The following ZFHX4 variants were observed in gnomAD, a reference collection of about 807,000 sequenced individuals.
ZFHX4 encodes zinc finger homeobox protein 4.
A neutral mutation model predicts 267.6 loss-of-function variants in ZFHX4; 56 were observed. The observed-to-expected ratio is 0.21, with a 90% confidence interval of 0.17 to 0.26. The LOEUF (loss-of-function observed/expected upper bound fraction) is 0.26. Among genes scored for constraint, ZFHX4 ranks in the 10% least tolerant of loss-of-function variants. The pLI is 1.00. For synonymous variants in ZFHX4, 1,778 were observed against 1,665.6 expected (o/e 1.07, Z -1.64); for missense variants, 4,332 against 4,420.0 (o/e 0.98, Z 0.56).
At chr8:76,782,374 A>G (rs1179172804) in intron 4 of ZFHX4, among the ~76,000 whole-genome samples, 1 of 151,958 alleles carries the variant, frequency 6.6e-6, no homozygotes, top group Middle Eastern at 3.2e-3. Flanking sequence ...TGTTAAGAAT[A>G]AAGTTTAAGA....
At chr8:76,702,933 G>A (rs1214944569) in intron 1 of ZFHX4, among the ~76,000 whole-genome samples, 1 of 151,528 alleles carries the variant, frequency 6.6e-6, no homozygotes, top group Non-Finnish European at 1.5e-5. Flanking sequence ...TAATCAAACT[G>A]CTATTACAGT....
At chr8:76,828,724 C>T (rs1296649794) in intron 4 of ZFHX4, among the ~76,000 whole-genome samples, 1 of 152,058 alleles carries the variant, frequency 6.6e-6, no homozygotes, top group Non-Finnish European at 1.5e-5. Context: ...AAGGTTGACA[C>T]TTGTGAACTC....
intron 3 of ZFHX4, among the ~76,000 whole-genome samples, chr8:76,756,666 G>A (rs1172352128): frequency 6.6e-6 from 1 of 151,766 alleles, no homozygotes; most frequent in Non-Finnish European, 1.5e-5. Context: ...TTGCCCTCTT[G>A]TCAACTACAA....
At chr8:76,763,950 G>C (rs1446087170) in intron 3 of ZFHX4, among the ~76,000 whole-genome samples, 1 of 152,042 alleles carries the variant, frequency 6.6e-6, no homozygotes, top group Admixed American at 6.6e-5. Flanking sequence ...TTTTATTACA[G>C]CAGCTAAACT....
At chr8:76,687,464 C>A (rs1321132026) in intron 1 of ZFHX4, among the ~76,000 whole-genome samples, 1 of 152,168 alleles carries the variant, frequency 6.6e-6, no homozygotes, top group Non-Finnish European at 1.5e-5. Flanking sequence ...ATAGTGTCAA[C>A]CAGTCCAGCT....
At chr8:76,779,754 A>G (rs960192899) in intron 4 of ZFHX4, among the ~76,000 whole-genome samples, 1 of 152,078 alleles carries the variant, frequency 6.6e-6, no homozygotes, top group Non-Finnish European at 1.5e-5. Flanking sequence ...GGGGTCTGGC[A>G]TGACTGGGCT....
In ZFHX4 at chr8:76,833,248, C is replaced by T. The variant is rs1258561300; in HGVS notation, c.3326-90C>T. 15 of 1,018,450 alleles carry T rather than the reference C, an allele frequency of 1.5e-5. 1 individual carries two copies. In the South Asian group the frequency reaches 1.7e-4, roughly 11 times the overall value. The allele number at this position is 1,018,450 out of a possible 1,614,324, so 63.1% of individuals were successfully genotyped here. On this transcript the variant is annotated intron_variant, in intron 4 of 10. Coordinates refer to ENST00000651372, the MANE Select transcript of ZFHX4 (RefSeq NM_024721.5). ...TTCACCTGATACTTATCTCTCCTGA[C>T]TGCCAAATTTTGGGTTCTTGTAATA...
At chr8:76,849,369 G>T in intron 7 of ZFHX4, 143 bp from the exon 8 acceptor site, 1 of 861,306 alleles carries the variant, frequency 1.2e-6, no homozygotes, top group East Asian at 2.7e-5. Flanking sequence ...CTGAGGTGAT[G>T]GATATCCCAT....
At chr8:76,752,503 A>G (rs541139472) in intron 3 of ZFHX4, among the ~76,000 whole-genome samples, 105 of 148,368 alleles carry the variant, frequency 7.1e-4, no homozygotes, top group Middle Eastern at 6.8e-3. Flanking sequence ...AAAAAAAAAA[A>G]AAAAAAGAAA....
intron 1 of ZFHX4, among the ~76,000 whole-genome samples, chr8:76,686,093 T>C (rs1343757714): frequency 6.6e-6 from 1 of 152,184 alleles, no homozygotes; most frequent in Non-Finnish European, 1.5e-5. Flanking sequence ...CATTTGGTGG[T>C]GTTTTATGGT....
At chr8:76,778,837 T>A (rs1810473830) in intron 4 of ZFHX4, among the ~76,000 whole-genome samples, 1 of 152,156 alleles carries the variant, frequency 6.6e-6, no homozygotes. Flanking sequence ...TAAAACATTC[T>A]GAGACAAAAA....
At chr8:76,817,371 A>AT (rs559018505) in intron 4 of ZFHX4, among the ~76,000 whole-genome samples, 7 of 151,658 alleles carry the variant, frequency 4.6e-5, no homozygotes, top group Non-Finnish European at 7.4e-5. Flanking sequence ...TCCTTTGAAG[A>AT]TTTTTTTTTG....
intron 6 of ZFHX4, among the ~76,000 whole-genome samples, chr8:76,844,887 T>C (rs553976044): frequency 6.6e-4 from 100 of 152,272 alleles, no homozygotes; most frequent in African/African-American, 2.4e-3. Flanking sequence ...GCCTTCTGAA[T>C]TGAATGTTTT....
At chr8:76,774,284 A>G (rs577225542) in intron 3 of ZFHX4, among the ~76,000 whole-genome samples, 4 of 152,144 alleles carry the variant, frequency 2.6e-5, no homozygotes, top group Non-Finnish European at 5.9e-5. Flanking sequence ...GTGATATCAT[A>G]TGCTCATCAG....
chr8:76,791,848 A>G (rs1810846520), intron 4 of ZFHX4, among the ~76,000 whole-genome samples: 2 of 152,190 alleles, frequency 1.3e-5, no homozygotes, highest in African/African-American at 4.8e-5. Context: ...TTAAAGTTGC[A>G]CATTATATTA....
intron 10 of ZFHX4, among the ~76,000 whole-genome samples, chr8:76,860,454 T>C (rs1302232312): frequency 6.6e-6 from 1 of 152,114 alleles, no homozygotes; most frequent in East Asian, 1.9e-4. Context: ...CAACTATTGC[T>C]CCATCTTGCT....
chr8:76,740,549 C>A (rs930941763), intron 3 of ZFHX4, among the ~76,000 whole-genome samples: 1 of 151,884 alleles, frequency 6.6e-6, no homozygotes, highest in African/African-American at 2.4e-5. Flanking sequence ...GAGAAAACAC[C>A]TTTAATGCTG....
intron 5 of ZFHX4, among the ~76,000 whole-genome samples, chr8:76,839,925 A>G (rs1268190940): frequency 6.6e-6 from 1 of 152,194 alleles, no homozygotes; most frequent in Non-Finnish European, 1.5e-5. Flanking sequence ...TTGACTCTAA[A>G]GTCTATTTAT....
chr8:76,782,197 A>G (rs1425030923), intron 4 of ZFHX4: 1 of 443,660 alleles, frequency 2.3e-6, no homozygotes, highest in Non-Finnish European at 4.5e-6. Flanking sequence ...ACAGAGCCCA[A>G]CAGGCTCATC....
Sources: allele counts gnomAD v4.1 joint callset (sites outside exome capture counted in the v4.1 genomes callset), GRCh38; gene constraint gnomAD v4.1.1; transcripts MANE v1.5; gene names NCBI Gene and HGNC (gene_info 2026-07-23, HGNC 2026-07-21).